The following COLQ variants were observed in gnomAD, a reference collection of about 807,000 sequenced individuals.
COLQ encodes the protein collagen like tail subunit of asymmetric acetylcholinesterase.
A neutral mutation model predicts 69.0 loss-of-function variants in COLQ; 48 were observed. That is an observed-to-expected ratio of 0.70 (90% CI 0.55 to 0.88). COLQ has a LOEUF of 0.88. Among genes scored for constraint, COLQ ranks in the 40% least tolerant of loss-of-function variants. The pLI is 0.00. For synonymous variants in COLQ, 217 were observed against 211.2 expected (o/e 1.03, Z -0.24); for missense variants, 618 against 594.6 (o/e 1.04, Z -0.41).
intron 1 of COLQ, among the ~76,000 whole-genome samples, chr3:15,494,313 A>T (rs925027820): frequency 1.3e-5 from 2 of 152,124 alleles, no homozygotes; most frequent in African/African-American, 2.4e-5. Flanking sequence ...GCAGCAGGGC[A>T]CGGGACAGGA....
intron 5 of COLQ, 91 bp from the exon 6 acceptor site, chr3:15,477,288 G>C: frequency 8.3e-7 from 1 of 1,209,300 alleles, no homozygotes; most frequent in Non-Finnish European, 1.2e-6. Flanking sequence ...AGAGGAGACA[G>C]TGGGTTCTCT....
At position 15,463,844 on chromosome 3, in the gene COLQ, C is replaced by T. The variant is rs535026907; in HGVS notation, c.814+2497G>A. ...CCCATTCAGATCATCCAGCCAATTC[C>T]AGAAATGAATTATGGAGTGTGGGCA... On this transcript the variant is annotated intron_variant, in intron 12 of 16. Transcript: ENST00000383788. Among the ~76,000 whole-genome samples the T allele has an allele frequency of 1.4e-4, 22 of 152,268 alleles. No individual in the cohort carries two copies. The South Asian group carries it at 4.6e-3, about 32-fold the overall frequency.
intron 1 of COLQ, among the ~76,000 whole-genome samples, chr3:15,489,974 AG>A (rs2062637347): frequency 6.6e-6 from 1 of 152,212 alleles, no homozygotes. Flanking sequence ...TGCCCCCAGT[AG>A]TTGAGGAGAA....
In COLQ at chr3:15,451,619, G is replaced by A. The variant is rs766842695; in HGVS notation, c.*25C>T. ...GAAGCTGCTGCCAGTTCTGTGGGGC[G>A]CAGCCCACCTTCTCCTCACGGCCCT... On this transcript the variant is annotated 3_prime_UTR_variant, in exon 17 of 17. Coordinates refer to ENST00000383788, the MANE Select transcript of COLQ (RefSeq NM_005677.4). The A allele has an allele frequency of 8.1e-6, 13 of 1,610,240 alleles. No homozygotes were observed. The highest frequency in any genetic ancestry group is 2.2e-5 in the East Asian group (1 of 44,872).
In COLQ at chr3:15,451,777, C is replaced by A; in HGVS notation, c.1299-64G>T. The A allele has an allele frequency of 4.9e-6, 7 of 1,435,656 alleles. No individual in the cohort carries two copies. The South Asian group carries it at 8.0e-5, about 16-fold the overall frequency. The allele number at this position is 1,435,656 out of a possible 1,614,324, so 88.9% of individuals were successfully genotyped here. On this transcript the variant is annotated intron_variant, in intron 16 of 16. Coordinates refer to ENST00000383788, the MANE Select transcript of COLQ (RefSeq NM_005677.4). ...TATATGCTGGTGACTTCCGGTCAAA[C>A]CTTATCAAACAGCGGCCAAGGGCCA...
intron 1 of COLQ, among the ~76,000 whole-genome samples, chr3:15,493,419 C>T (rs2062700783): frequency 6.6e-6 from 1 of 152,226 alleles, no homozygotes; most frequent in Non-Finnish European, 1.5e-5. Context: ...CCTGGTATTT[C>T]TCTCACCTTC....
chr3:15,488,136 A>G, intron 3 of COLQ, 70 bp downstream of exon 3: 2 of 1,097,924 alleles, frequency 1.8e-6, no homozygotes, highest in Non-Finnish European at 2.7e-6. Context: ...AGACACTAAG[A>G]GGCTCTGTGC....
intron 1 of COLQ, among the ~76,000 whole-genome samples, chr3:15,515,291 G>A (rs1481314192): frequency 1.3e-5 from 2 of 152,166 alleles, no homozygotes; most frequent in East Asian, 3.8e-4. Flanking sequence ...CCATTCTTCA[G>A]ATGAGAAACT....
rs74493092 is a variant in COLQ at position 15,517,846 on chromosome 3, C to A, written c.106+3674G>T. On this transcript the variant is annotated intron_variant, in intron 1 of 16. Coordinates refer to ENST00000383788, the MANE Select transcript of COLQ (RefSeq NM_005677.4). ...ACAATCCAGTCATCACTGGTCCATT[C>A]ATGTTCATCATAATGAAAACCAGTT... Among the ~76,000 whole-genome samples the A allele has an allele frequency of 3.0e-3, 457 of 152,328 alleles. 1 individual carries two copies. The highest frequency in any genetic ancestry group is 5.7e-3 in the Non-Finnish European group (387 of 68,030).
chr3:15,499,354 A>C (rs2062800032), intron 1 of COLQ, among the ~76,000 whole-genome samples: 1 of 152,224 alleles, frequency 6.6e-6, no homozygotes, highest in South Asian at 2.1e-4. Context: ...AGCAATAAGC[A>C]CTGTTGTTTT....
chr3:15,489,758 T>C, intron 1 of COLQ, 121 bp from the exon 2 acceptor site: 1 of 832,880 alleles, frequency 1.2e-6, no homozygotes, highest in Non-Finnish European at 2.0e-6. Flanking sequence ...TTCTAGCCTG[T>C]TAGATGTGGA....
intron 12 of COLQ, among the ~76,000 whole-genome samples, chr3:15,459,621 G>A (rs530212373): frequency 1.0e-3 from 156 of 151,718 alleles, no homozygotes; most frequent in African/African-American, 3.7e-3. Context: ...TGGGACTACA[G>A]GCACGTGCCA....
chr3:15,457,548 C>G (rs2062042853), intron 13 of COLQ, among the ~76,000 whole-genome samples: 1 of 152,082 alleles, frequency 6.6e-6, no homozygotes, highest in Admixed American at 6.6e-5. Flanking sequence ...GAAATTTTCC[C>G]TAATAAAAAG....
chr3:15,474,557 T>C (rs1043261954), intron 8 of COLQ, among the ~76,000 whole-genome samples: 1 of 147,504 alleles, frequency 6.8e-6, no homozygotes, highest in Non-Finnish European at 1.5e-5. Context: ...GCTGTTTTGA[T>C]TTGGTTTTTG....
chr3:15,520,352 C>T (rs545736048), intron 1 of COLQ, among the ~76,000 whole-genome samples: 13 of 152,312 alleles, frequency 8.5e-5, no homozygotes, highest in Middle Eastern at 3.4e-3. Flanking sequence ...TAATTAGCCT[C>T]ACACCAGTCT....
intron 1 of COLQ, among the ~76,000 whole-genome samples, chr3:15,517,449 G>T (rs1292332037): frequency 6.6e-6 from 1 of 152,160 alleles, no homozygotes; most frequent in Non-Finnish European, 1.5e-5. Context: ...TGGAAGGCCT[G>T]CCCTCCGGTA....
At chr3:15,461,922 G>A (rs1353946440) in intron 12 of COLQ, among the ~76,000 whole-genome samples, 1 of 151,918 alleles carries the variant, frequency 6.6e-6, no homozygotes, top group Non-Finnish European at 1.5e-5. Flanking sequence ...ACTGTCAAAG[G>A]TAGTGTCAGG....
intron 1 of COLQ, among the ~76,000 whole-genome samples, chr3:15,503,593 A>G (rs1473149684): frequency 1.3e-5 from 2 of 152,180 alleles, no homozygotes; most frequent in African/African-American, 4.8e-5. Flanking sequence ...CCCAGTAGTG[A>G]GGTGCCAACA....
At chr3:15,470,880 T>C (rs2062273003) in intron 10 of COLQ, among the ~76,000 whole-genome samples, 1 of 152,122 alleles carries the variant, frequency 6.6e-6, no homozygotes. Flanking sequence ...GCAGCACACA[T>C]TTTGATGGCC....
Sources: allele counts gnomAD v4.1 joint callset (sites outside exome capture counted in the v4.1 genomes callset), GRCh38; gene constraint gnomAD v4.1.1; transcripts MANE v1.5; gene names NCBI Gene and HGNC (gene_info 2026-07-23, HGNC 2026-07-21).